PTPRD: variants seen among roughly 807,000 people sequenced by gnomAD.
PTPRD encodes the protein receptor-type tyrosine-protein phosphatase delta.
PTPRD carries 34 observed loss-of-function variants against 214.5 expected under a neutral mutation model. The observed-to-expected ratio is 0.16, with a 90% CI of 0.12 to 0.21. The LOEUF (loss-of-function observed/expected upper bound fraction) is 0.21. Among genes scored for constraint, PTPRD ranks in the 10% least tolerant of loss-of-function variants. The pLI, the probability that PTPRD is intolerant of heterozygous loss-of-function variation, is 1.00. For synonymous variants in PTPRD, 1,128 were observed against 845.7 expected (o/e 1.33, Z -5.79); for missense variants, 2,545 against 2,398.7 (o/e 1.06, Z -1.27).
intron 10 of PTPRD, among the ~76,000 whole-genome samples, chr9:9,125,653 A>C (rs1175361396): frequency 6.6e-6 from 1 of 152,188 alleles, no homozygotes; most frequent in African/African-American, 2.4e-5. Context: ...ATAGCCTCCC[A>C]GGTGAGAATC....
At chr9:10,501,479 G>T (rs760313045) in intron 2 of PTPRD, among the ~76,000 whole-genome samples, 16 of 151,536 alleles carry the variant, frequency 1.1e-4, no homozygotes, top group Non-Finnish European at 1.5e-5. Context: ...CTATTCTGTG[G>T]GCTGTGTGTT....
At chr9:8,854,674 G>GTA (rs2097881718) in intron 11 of PTPRD, among the ~76,000 whole-genome samples, 1 of 152,152 alleles carries the variant, frequency 6.6e-6, no homozygotes, top group South Asian at 2.1e-4. Flanking sequence ...ACTTAAAAAT[G>GTA]TATAGTGCGT....
At chr9:8,487,148 AAAT>A (rs1365269499) in intron 27 of PTPRD, among the ~76,000 whole-genome samples, 3 of 152,194 alleles carry the variant, frequency 2.0e-5, no homozygotes, top group Non-Finnish European at 4.4e-5. Context: ...TATGAATAAT[AAAT>A]GAGGAAATTC....
At chr9:10,372,274 A>T (rs2097642055) in intron 2 of PTPRD, among the ~76,000 whole-genome samples, 1 of 152,236 alleles carries the variant, frequency 6.6e-6, no homozygotes, top group East Asian at 1.9e-4. Flanking sequence ...ATGATAAATT[A>T]TTCATATCAA....
rs1033784075 is a variant in PTPRD at position 9,302,121 on chromosome 9, G to A, written c.-203+95328C>T. ...AGGGTTATCTATATGGTTACTAAGA[G>A]CAATGCAATTGGTTTCAGAAGTCAT... On this transcript the variant is annotated intron_variant, in intron 9 of 45. Transcript: ENST00000381196. Among the ~76,000 whole-genome samples, 5 of 151,924 alleles carry A rather than the reference G, an allele frequency of 3.3e-5. No homozygotes were observed. In the East Asian group the frequency reaches 7.7e-4, roughly 23 times the overall value.
intron 5 of PTPRD, among the ~76,000 whole-genome samples, chr9:9,913,148 T>C (rs1214807132): frequency 4.6e-5 from 7 of 152,166 alleles, no homozygotes; most frequent in Non-Finnish European, 1.0e-4. Flanking sequence ...CCAAATTACA[T>C]TCTAATTGCT....
chr9:8,941,421 A>G (rs965350199), intron 11 of PTPRD, among the ~76,000 whole-genome samples: 2 of 152,090 alleles, frequency 1.3e-5, no homozygotes, highest in Admixed American at 6.6e-5. Flanking sequence ...GTGTGTGTGT[A>G]TATATATAGT....
At chr9:8,678,793 A>G (rs1038156460) in intron 12 of PTPRD, among the ~76,000 whole-genome samples, 2 of 152,198 alleles carry the variant, frequency 1.3e-5, no homozygotes, top group Non-Finnish European at 2.9e-5. Flanking sequence ...CACAGAACAC[A>G]TTTATATCCA....
At position 9,195,692 on chromosome 9, in the gene PTPRD, C is replaced by T. The variant is rs551122077; in HGVS notation, c.-202-12329G>A. 6.7e-5 allele frequency among the ~76,000 whole-genome samples: 10 copies of T among 148,894 alleles called. No homozygotes were observed. In the South Asian group the frequency reaches 1.7e-3, roughly 25 times the overall value. Reference sequence around the variant, plus strand: ...TTTCAGCTAGACCCTAGCAGTGTTCCTCAGCCATCAACATTTTTAAATGCA... The same window carrying T: ...TTTCAGCTAGACCCTAGCAGTGTTCTTCAGCCATCAACATTTTTAAATGCA... On this transcript the variant is annotated intron_variant, in intron 9 of 45. Transcript: ENST00000381196.
intron 3 of PTPRD, among the ~76,000 whole-genome samples, chr9:10,047,200 G>A (rs2097417971): frequency 6.6e-6 from 1 of 151,792 alleles, no homozygotes. Context: ...GAGTGGCACT[G>A]GTGTGCAAAT....
At chr9:8,858,834 C>T (rs879297614) in intron 11 of PTPRD, among the ~76,000 whole-genome samples, 3,729 of 146,796 alleles carry the variant, frequency 0.025, 95 homozygotes, top group South Asian at 0.061. Context: ...CACACATACA[C>T]ACACACAGAC....
intron 9 of PTPRD, among the ~76,000 whole-genome samples, chr9:9,218,182 G>C (rs1295804579): frequency 6.6e-6 from 1 of 152,078 alleles, no homozygotes; most frequent in African/African-American, 2.4e-5. Flanking sequence ...AACCATACTG[G>C]CTATCCTCAA....
At chr9:8,760,240 A>G (rs1244920566) in intron 11 of PTPRD, among the ~76,000 whole-genome samples, 1 of 151,778 alleles carries the variant, frequency 6.6e-6, no homozygotes, top group East Asian at 1.9e-4. Context: ...CTTAGTCAGA[A>G]TTTTAAATAC....
chr9:8,942,891 C>T (rs1331973799), intron 11 of PTPRD, among the ~76,000 whole-genome samples: 2 of 152,028 alleles, frequency 1.3e-5, no homozygotes, highest in Non-Finnish European at 2.9e-5. Context: ...AACCTAAAGA[C>T]TCCACCAAAA....
In PTPRD at chr9:9,955,179, C is replaced by G. The variant is rs1276487040; in HGVS notation, c.-471-16569G>C. Among the ~76,000 whole-genome samples, 4 of 152,078 alleles carry G rather than the reference C, an allele frequency of 2.6e-5. No individual in the cohort carries two copies. In the East Asian group the frequency reaches 7.7e-4, roughly 29 times the overall value. ...TAAGCACTGTCAGCAAACAAAGGAA[C>G]TTATCTCCAGTATAACACTGGAAAG... On this transcript the variant is annotated intron_variant, in intron 4 of 45. Coordinates refer to ENST00000381196, the MANE Select transcript of PTPRD (RefSeq NM_002839.4).
intron 14 of PTPRD, among the ~76,000 whole-genome samples, chr9:8,607,679 A>G (rs1288153604): frequency 6.6e-6 from 1 of 152,048 alleles, no homozygotes; most frequent in East Asian, 1.9e-4. Context: ...TTAATTAAAA[A>G]CGAATGGGAG....
At chr9:9,719,555 A>G (rs55717820) in intron 7 of PTPRD, among the ~76,000 whole-genome samples, 68,220 of 151,604 alleles carry the variant, frequency 0.45, 18,651 homozygotes, top group African/African-American at 0.77. Flanking sequence ...CAGCGAGGCA[A>G]GCCAGCCCAG....
At chr9:8,630,198 T>A (rs572245060) in intron 14 of PTPRD, among the ~76,000 whole-genome samples, 3 of 151,886 alleles carry the variant, frequency 2.0e-5, no homozygotes, top group Non-Finnish European at 2.9e-5. Context: ...GAAATGGGAA[T>A]CTAATGAGGC....
At chr9:9,902,629 T>A (rs2076667688) in intron 5 of PTPRD, among the ~76,000 whole-genome samples, 1 of 152,136 alleles carries the variant, frequency 6.6e-6, no homozygotes, top group African/African-American at 2.4e-5. Context: ...GCACCATGTA[T>A]CTGTTTATTT....
Sources: gnomAD v4.1 joint callset for allele counts (sites outside exome capture counted in the v4.1 genomes callset) on GRCh38, gnomAD v4.1.1 for gene constraint, MANE v1.5 for transcripts, NCBI Gene and HGNC (gene_info 2026-07-23, HGNC 2026-07-21) for gene names.